Variants in SHANK2 observed in about 807,000 individuals in gnomAD.
The protein encoded by SHANK2 is SH3 and multiple ankyrin repeat domains 2.
In SHANK2, 43 loss-of-function variants were observed where a neutral mutation model predicts 133.7. The observed-to-expected ratio is 0.32, with a 90% confidence interval of 0.25 to 0.41. The LOEUF (loss-of-function observed/expected upper bound fraction) is 0.41. Among genes scored for constraint, SHANK2 ranks in the 10% least tolerant of loss-of-function variants. The probability of loss-of-function intolerance (pLI) is 1.00; values close to 1 mark genes in which losing one functional copy is unlikely to be tolerated. For synonymous variants in SHANK2, 1,017 were observed against 952.8 expected (o/e 1.07, Z -1.24); for missense variants, 1,994 against 2,235.8 (o/e 0.89, Z 2.18).
chr11:70,513,439 T>C (rs1294036780), intron 17 of SHANK2, among the ~76,000 whole-genome samples: 4 of 152,222 alleles, frequency 2.6e-5, no homozygotes, highest in African/African-American at 9.6e-5. Context: ...AGGTTGCAAT[T>C]TGAGTTTAAC....
At chr11:70,529,972 A>G (rs1417494437) in intron 17 of SHANK2, among the ~76,000 whole-genome samples, 11 of 152,306 alleles carry the variant, frequency 7.2e-5, no homozygotes, top group African/African-American at 2.6e-4. Flanking sequence ...GTGGGGATGT[A>G]GGATGGTGCG....
intron 17 of SHANK2, among the ~76,000 whole-genome samples, chr11:70,609,337 T>C (rs797039020): frequency 2.0e-4 from 31 of 152,296 alleles, no homozygotes; most frequent in African/African-American, 7.5e-4. Context: ...GAGGTGGCTT[T>C]ATCTGTTCAA....
chr11:70,538,185 AC>A (rs1212473658), intron 17 of SHANK2, among the ~76,000 whole-genome samples: 1 of 152,098 alleles, frequency 6.6e-6, no homozygotes, highest in Non-Finnish European at 1.5e-5. Flanking sequence ...AAGCTGAGTC[AC>A]CCCACCCGGG....
At chr11:70,817,884 G>A (rs782117858) in intron 12 of SHANK2, among the ~76,000 whole-genome samples, 8 of 152,152 alleles carry the variant, frequency 5.3e-5, no homozygotes, top group Non-Finnish European at 1.0e-4. Context: ...ACAGGCATGC[G>A]CCACCACATT....
intron 17 of SHANK2, among the ~76,000 whole-genome samples, chr11:70,635,686 T>C (rs1029757328): frequency 2.0e-5 from 3 of 151,748 alleles, no homozygotes; most frequent in African/African-American, 7.3e-5. Context: ...TACTTAAAAA[T>C]GGTTAAGATG....
chr11:70,553,588 G>A (rs2059795640), intron 17 of SHANK2, among the ~76,000 whole-genome samples: 1 of 152,116 alleles, frequency 6.6e-6, no homozygotes. Flanking sequence ...TCAGCCACGT[G>A]AGGTGCAGGA....
intron 6 of SHANK2, among the ~76,000 whole-genome samples, chr11:71,098,330 C>A (rs901283837): frequency 1.5e-4 from 23 of 152,178 alleles, no homozygotes; most frequent in Admixed American, 2.6e-4. Context: ...CGTGTGTGTG[C>A]TCCTAGGTGC....
intron 17 of SHANK2, among the ~76,000 whole-genome samples, chr11:70,602,480 A>C (rs2060513619): frequency 6.6e-6 from 1 of 152,168 alleles, no homozygotes; most frequent in African/African-American, 2.4e-5. Flanking sequence ...ACAGCCCCCC[A>C]AACCAGGAGG....
In SHANK2 at chr11:71,133,667, A is replaced by T. The variant is rs192314799; in HGVS notation, c.207+13453T>A. On this transcript the variant is annotated intron_variant, in intron 3 of 25. Coordinates refer to ENST00000601538, the MANE Select transcript of SHANK2 (RefSeq NM_012309.5). Reference sequence around the variant, plus strand: ...TAGGGGGCCTCCCTGGTTAGGCTGGAGTCAGTGTTGGGCCACACTCCATGG... The same window carrying T: ...TAGGGGGCCTCCCTGGTTAGGCTGGTGTCAGTGTTGGGCCACACTCCATGG... Among the ~76,000 whole-genome samples, 385 of 152,070 alleles carry T rather than the reference A, an allele frequency of 2.5e-3. 3 individuals are homozygous for T. The highest frequency in any genetic ancestry group is 8.8e-3 in the African/African-American group (363 of 41,450).
At chr11:70,688,016 A>C (rs1162454033) in intron 15 of SHANK2, among the ~76,000 whole-genome samples, 2 of 152,236 alleles carry the variant, frequency 1.3e-5, no homozygotes, top group African/African-American at 4.8e-5. Flanking sequence ...AAAGCAGGGG[A>C]CTTGGGTCCA....
At chr11:70,805,324 C>G (rs1295892608) in intron 13 of SHANK2, among the ~76,000 whole-genome samples, 2 of 152,228 alleles carry the variant, frequency 1.3e-5, no homozygotes, top group Non-Finnish European at 2.9e-5. Flanking sequence ...TCTGGAGAGA[C>G]AGTGAGCTTC....
intron 15 of SHANK2, among the ~76,000 whole-genome samples, chr11:70,683,187 T>C (rs1247834571): frequency 6.6e-6 from 1 of 152,124 alleles, no homozygotes; most frequent in Non-Finnish European, 1.5e-5. Context: ...TTTGTTGCCC[T>C]GGCTGGTCTC....
intron 11 of SHANK2, among the ~76,000 whole-genome samples, chr11:70,883,170 T>TC (rs1555072725): frequency 6.6e-6 from 1 of 152,048 alleles, no homozygotes; most frequent in African/African-American, 2.4e-5. Flanking sequence ...TGAAGGCGCC[T>TC]CCCTAACAGG....
At chr11:70,632,060 A>C (rs1555002392) in intron 17 of SHANK2, 1 of 152,236 alleles carries the variant, frequency 6.6e-6, no homozygotes, top group Non-Finnish European at 1.5e-5. Context: ...GAAACGCTTC[A>C]TTTAGACGCT....
At chr11:70,717,366 C>T (rs1945959125) in intron 14 of SHANK2, among the ~76,000 whole-genome samples, 1 of 152,198 alleles carries the variant, frequency 6.6e-6, no homozygotes, top group South Asian at 2.1e-4. Flanking sequence ...ACCCTTGAGA[C>T]TATAAACAGG....
chr11:71,126,413 G>GATGGA (rs1555102688), intron 3 of SHANK2, among the ~76,000 whole-genome samples: 3 of 152,076 alleles, frequency 2.0e-5, no homozygotes, highest in African/African-American at 7.2e-5. Context: ...CAATGTACCT[G>GATGGA]GTCACTCAAG....
At chr11:70,611,982 G>T in intron 17 of SHANK2, among the ~76,000 whole-genome samples, 1 of 151,948 alleles carries the variant, frequency 6.6e-6, no homozygotes, top group Admixed American at 6.6e-5. Context: ...GGGTGGCGAG[G>T]GGCGTGAACA....
At position 70,807,020 on chromosome 11, in the gene SHANK2, G is replaced by A. The variant is rs782774599; in HGVS notation, c.1645C>T (p.Arg549Cys). 22 of 717,704 alleles carry A rather than the reference G, an allele frequency of 3.1e-5. No homozygotes were observed. The highest frequency in any genetic ancestry group is 6.0e-5 in the Admixed American group (3 of 49,922). The allele number at this position is 717,704 out of a possible 1,614,324, so 44.5% of individuals were successfully genotyped here. ...CACTGACCTTTGACCCTGTCACCGC[G>A]GTGAAGGGGGATCTCGCCGTCCACT... is the stretch of plus-strand genomic sequence containing the variant. The part of the protein sequence containing the change: ...PQVDGEIPLH[R>C]GDRVKVLSIG... Residue 549 changes from arginine (R) to cysteine (C), a missense_variant, in exon 13 of 26, where the codon CGC becomes TGC. This residue lies in a region of SHANK2 where 653 missense variants were observed against 563.4 expected (regional missense o/e 1.16). Transcript: ENST00000601538. The surrounding 1 kb of genome is among the most constrained non-coding windows in gnomAD (Gnocchi z 4.8).
chr11:71,065,035 G>A (rs969438326), intron 9 of SHANK2, among the ~76,000 whole-genome samples: 33 of 152,306 alleles, frequency 2.2e-4, no homozygotes, highest in African/African-American at 7.7e-4. Context: ...GGAGCGTGCA[G>A]TGCAGACGCC....
Sources: allele counts gnomAD v4.1 joint callset (sites outside exome capture counted in the v4.1 genomes callset), GRCh38; gene constraint gnomAD v4.1.1; regional missense constraint gnomAD v4.1.1; non-coding constraint Gnocchi (gnomAD v3.1); transcripts MANE v1.5; gene names NCBI Gene and HGNC (gene_info 2026-07-23, HGNC 2026-07-21).